KDM3B: variants seen among roughly 807,000 people sequenced by gnomAD.
KDM3B encodes lysine demethylase 3B, also known as lysine-specific demethylase 3B.
A neutral mutation model predicts 170.0 loss-of-function variants in KDM3B; 10 were observed. The observed-to-expected ratio is 0.06, with a 90% CI of 0.04 to 0.10. The LOEUF (loss-of-function observed/expected upper bound fraction) is 0.10. KDM3B is among the 10% of genes least tolerant of loss of function. KDM3B has a pLI of 1.00. For synonymous variants in KDM3B, 831 were observed against 834.8 expected, an observed-to-expected ratio of 1.00 and a Z score of 0.08; for missense variants, 1,394 against 2,195.2, an observed-to-expected ratio of 0.64 and a Z score of 7.29.
intron 1 of KDM3B, among the ~76,000 whole-genome samples, chr5:138,362,300 AAAC>A (rs1336391494): frequency 6.6e-6 from 1 of 151,672 alleles, no homozygotes; most frequent in East Asian, 1.9e-4. Flanking sequence ...CTGAAAAAAA[AAAC>A]AAAAGAAGGA....
chr5:138,386,531 C>T lies in KDM3B; in HGVS notation c.1290C>T (p.Thr430=). 1 of 1,614,186 alleles carries T rather than the reference C, an allele frequency of 6.2e-7. No individual in the cohort carries two copies. Among genetic ancestry groups the T allele is most frequent in the Non-Finnish European group, 8.5e-7 (1 of 1,180,022 alleles). The part of the protein sequence containing the change: ...SAAVVTTASS[T]PNTVRISDTG... ...CTGTGGTCACTACCGCCAGCTCCAC[C>T]CCAAACACAGTGAGGATCTCAGACA... The change falls in exon 7 of 24, where the codon ACC becomes ACT. Residue 430 remains threonine, a synonymous_variant. Transcript: ENST00000314358.
chr5:138,385,942 G>T, intron 6 of KDM3B, 80 bp from the exon 7 acceptor site: 1 of 1,485,076 alleles, frequency 6.7e-7, no homozygotes, highest in South Asian at 1.4e-5. Context: ...TCTGCTTCTA[G>T]AGATGGGAAA....
intron 5 of KDM3B, among the ~76,000 whole-genome samples, chr5:138,380,417 G>A: frequency 6.7e-6 from 1 of 150,180 alleles, no homozygotes; most frequent in East Asian, 1.9e-4. Flanking sequence ...AGATCATATA[G>A]TACATATAGT....
intron 14 of KDM3B, among the ~76,000 whole-genome samples, chr5:138,420,281 G>T (rs372783237): frequency 2.0e-5 from 3 of 152,208 alleles, no homozygotes; most frequent in East Asian, 1.9e-4. Context: ...CTGGGCACAA[G>T]AATCATCTGG....
At chr5:138,386,751 G>A (rs1309150164) in intron 7 of KDM3B, 130 bp downstream of exon 7, 1 of 1,256,748 alleles carries the variant, frequency 8.0e-7, no homozygotes, top group African/African-American at 1.5e-5. Context: ...ATTATACTCT[G>A]TGGAAGGCCT....
At chr5:138,357,709 A>T in intron 1 of KDM3B, among the ~76,000 whole-genome samples, 1 of 151,584 alleles carries the variant, frequency 6.6e-6, no homozygotes, top group South Asian at 2.1e-4. Flanking sequence ...TCTGGAATTT[A>T]TTTTTTTATT....
chr5:138,353,051 G>C, intron 1 of KDM3B, 64 bp downstream of exon 1: 1 of 1,175,256 alleles, frequency 8.5e-7, no homozygotes, highest in Non-Finnish European at 1.1e-6. Flanking sequence ...GGCCTCCCCG[G>C]GGGCCTTTGT....
chr5:138,355,876 C>T (rs539735337), intron 1 of KDM3B, among the ~76,000 whole-genome samples: 10 of 152,282 alleles, frequency 6.6e-5, no homozygotes, highest in African/African-American at 2.4e-4. Context: ...CAAGAAAAAC[C>T]AGCAATCTCT....
intron 11 of KDM3B, among the ~76,000 whole-genome samples, chr5:138,411,912 G>A (rs1043586050): frequency 3.3e-5 from 5 of 150,722 alleles, no homozygotes; most frequent in Non-Finnish European, 7.4e-5. Context: ...ATTTCACCAT[G>A]TTGGCCAGGC....
At chr5:138,423,033 A>AG (rs2126997191) in intron 15 of KDM3B, among the ~76,000 whole-genome samples, 1 of 152,226 alleles carries the variant, frequency 6.6e-6, no homozygotes, top group East Asian at 1.9e-4. Flanking sequence ...TCCACTTCCC[A>AG]GGTTCAAGCA....
chr5:138,434,073 G>A (rs1167312349), intron 23 of KDM3B, among the ~76,000 whole-genome samples: 1 of 152,118 alleles, frequency 6.6e-6, no homozygotes, highest in Non-Finnish European at 1.5e-5. Flanking sequence ...AGAATATAAA[G>A]GTAACATGTC....
chr5:138,425,305 C>T (rs1287352263), intron 16 of KDM3B, 106 bp from the exon 17 acceptor site: 2 of 968,330 alleles, frequency 2.1e-6, no homozygotes. Context: ...GTAGAGCTTC[C>T]TGGAGAAGAG....
At chr5:138,432,883 T>A (rs1405700571) in intron 23 of KDM3B, among the ~76,000 whole-genome samples, 1 of 151,506 alleles carries the variant, frequency 6.6e-6, no homozygotes, top group Non-Finnish European at 1.5e-5. Flanking sequence ...TAGCTGGGAC[T>A]ACAGATGTCC....
chr5:138,435,247 A>C (rs1763643942), intron 23 of KDM3B, among the ~76,000 whole-genome samples: 1 of 152,226 alleles, frequency 6.6e-6, no homozygotes, highest in African/African-American at 2.4e-5. Context: ...AAAGTTCTCC[A>C]GGTGTTCACT....
chr5:138,369,250 G>A (rs761787141), intron 1 of KDM3B, among the ~76,000 whole-genome samples: 1 of 152,090 alleles, frequency 6.6e-6, no homozygotes, highest in African/African-American at 2.4e-5. Context: ...TCCTCCAGCC[G>A]TTGTATCCTC....
chr5:138,425,869 G>C (rs546961751), intron 17 of KDM3B: 1 of 234,216 alleles, frequency 4.3e-6, no homozygotes, highest in Admixed American at 4.9e-5. Flanking sequence ...AGCTGGGTAT[G>C]GTGGTGTGTG....
At chr5:138,390,885 G>T in intron 7 of KDM3B, 128 bp from the exon 8 acceptor site, 1 of 828,436 alleles carries the variant, frequency 1.2e-6, no homozygotes, top group Non-Finnish European at 1.8e-6. Flanking sequence ...CAGATCCATG[G>T]AATTGTAAAA....
chr5:138,428,847 A>C lies in KDM3B; in HGVS notation c.4753+761A>C, dbSNP rs189122139. Among the ~76,000 whole-genome samples the C allele has an allele frequency of 3.6e-4, 55 of 152,214 alleles. 1 individual carries two copies. Among genetic ancestry groups the C allele is most frequent in the Non-Finnish European group, 7.4e-5 (5 of 68,014 alleles). ...TACTTCCTGCCATCTCAGTGTTAAA[A>C]TTAATACATGTTCATTATGGAAATT... On this transcript the variant is annotated intron_variant, in intron 20 of 23. Coordinates refer to ENST00000314358, the MANE Select transcript of KDM3B (RefSeq NM_016604.4).
chr5:138,419,766 CATAT>C (rs1008985305), intron 14 of KDM3B, among the ~76,000 whole-genome samples: 1 of 131,996 alleles, frequency 7.6e-6, no homozygotes, highest in Non-Finnish European at 1.7e-5. Context: ...CACACACACA[CATAT>C]ATATGAGGGA....
Sources: gnomAD v4.1 joint callset for allele counts (sites outside exome capture counted in the v4.1 genomes callset) on GRCh38, gnomAD v4.1.1 for gene constraint, MANE v1.5 for transcripts, NCBI Gene and HGNC (gene_info 2026-07-23, HGNC 2026-07-21) for gene names.